The following ARLN variants were observed in gnomAD, a reference collection of about 807,000 sequenced individuals.
The protein encoded by ARLN is sarcoplasmic/endoplasmic reticulum calcium ATPase regulator ARLN.
the ARLN span, chr4:119,300,243 A>C: frequency 9.6e-7 from 1 of 1,037,746 alleles, no homozygotes; most frequent in African/African-American, 1.6e-5. Flanking sequence ...GGACATATAT[A>C]AACTCTCTGG....
the ARLN span, chr4:119,300,689 C>T: frequency 6.5e-7 from 1 of 1,534,686 alleles, no homozygotes; most frequent in Non-Finnish European, 8.7e-7. Context: ...CTACTCTTCC[C>T]AGCGCGCAGG....
the ARLN span, chr4:119,300,516 C>G: frequency 1.9e-6 from 3 of 1,614,180 alleles, no homozygotes; most frequent in South Asian, 2.2e-5. Flanking sequence ...ACCATCAACA[C>G]CCGGTGCGTC....
the ARLN span, among the ~76,000 whole-genome samples, chr4:119,301,730 TA>T: frequency 1.3e-5 from 2 of 152,152 alleles, no homozygotes; most frequent in East Asian, 3.9e-4. Context: ...TACTCCATCT[TA>T]TAGAATTAGG....
the ARLN span, chr4:119,300,589 G>T: frequency 6.2e-7 from 1 of 1,613,102 alleles, no homozygotes; most frequent in Non-Finnish European, 8.5e-7. Flanking sequence ...TTAAGTTCCC[G>T]GACTTTGGTG....
At chr4:119,300,519 G>C in the ARLN span, 2 of 1,614,016 alleles carry the variant, frequency 1.2e-6, no homozygotes, top group Non-Finnish European at 1.7e-6. Context: ...ATCAACACCC[G>C]GTGCGTCCAC....
chr4:119,299,573 C>G, the ARLN span, among the ~76,000 whole-genome samples: 1 of 152,166 alleles, frequency 6.6e-6, no homozygotes, highest in East Asian at 1.9e-4. Context: ...TTCCTCCTGC[C>G]CTATTCTCTT....
chr4:119,298,983 A>T, the ARLN span, among the ~76,000 whole-genome samples: 1 of 152,172 alleles, frequency 6.6e-6, no homozygotes, highest in Non-Finnish European at 1.5e-5. Flanking sequence ...GTCTCTACCA[A>T]AACAGGGAGG....
chr4:119,302,343 ATTTAAAC>A, the ARLN span, among the ~76,000 whole-genome samples: 1 of 152,230 alleles, frequency 6.6e-6, no homozygotes, highest in Non-Finnish European at 1.5e-5. Flanking sequence ...AGGAGGGGTT[ATTTAAAC>A]TAAATTCAGT....
chr4:119,298,520 G>A, the ARLN span: 2 of 398,606 alleles, frequency 5.0e-6, no homozygotes, highest in Non-Finnish European at 9.0e-6. Flanking sequence ...TTCAGCCCCT[G>A]TAAAGCCATC....
the ARLN span, chr4:119,300,888 C>G: frequency 7.9e-7 from 1 of 1,271,338 alleles, no homozygotes; most frequent in African/African-American, 1.5e-5. Flanking sequence ...AGGTGATGGA[C>G]TCCTCCCTGA....
the ARLN span, among the ~76,000 whole-genome samples, chr4:119,301,292 C>A: frequency 3.4e-5 from 5 of 148,414 alleles, no homozygotes; most frequent in Non-Finnish European, 7.4e-5. Flanking sequence ...GGCGTGGTGG[C>A]AGGCGCCTGT....
At chr4:119,299,652 T>C in the ARLN span, among the ~76,000 whole-genome samples, 1 of 152,146 alleles carries the variant, frequency 6.6e-6, no homozygotes, top group Non-Finnish European at 1.5e-5. Context: ...ATGGAGAGCA[T>C]GGGTTTTACA....
chr4:119,297,912 G>C, the ARLN span: 1 of 152,548 alleles, frequency 6.6e-6, no homozygotes, highest in Non-Finnish European at 1.5e-5. Context: ...CTCCATGAAG[G>C]CAAGAATGCC....
At chr4:119,300,461 C>T in the ARLN span, 2 of 1,614,148 alleles carry the variant, frequency 1.2e-6, no homozygotes, top group Non-Finnish European at 1.7e-6. Context: ...CGAAGTTCTG[C>T]CTCCCTCCCT....
At chr4:119,296,951 T>C in the ARLN span, 18 of 152,336 alleles carry the variant, frequency 1.2e-4, no homozygotes, top group African/African-American at 4.1e-4. Flanking sequence ...TGGATTATGA[T>C]CGGAAGTCTG....
the ARLN span, chr4:119,297,457 TTC>T: frequency 6.6e-6 from 1 of 152,220 alleles, no homozygotes; most frequent in Non-Finnish European, 1.5e-5. Flanking sequence ...CAGGAATATT[TTC>T]TTTTTGAGAC....
the ARLN span, chr4:119,300,405 T>A: frequency 6.2e-7 from 1 of 1,613,630 alleles, no homozygotes; most frequent in Non-Finnish European, 8.5e-7. Context: ...GTCCAACCAG[T>A]AGGAGTGTTT....
At chr4:119,300,596 G>C in the ARLN span, 1 of 1,611,428 alleles carries the variant, frequency 6.2e-7, no homozygotes, top group Non-Finnish European at 8.5e-7. Flanking sequence ...CCCGGACTTT[G>C]GTGTTCGCCG....
the ARLN span, chr4:119,300,714 T>C: frequency 6.6e-7 from 1 of 1,526,638 alleles, no homozygotes; most frequent in South Asian, 1.2e-5. Flanking sequence ...TGGCTCGGCT[T>C]TCCGCTGCCT....
Sources: allele counts gnomAD v4.1 joint callset (sites outside exome capture counted in the v4.1 genomes callset), GRCh38; gene constraint gnomAD v4.1.1; transcripts MANE v1.5; gene names NCBI Gene and HGNC (gene_info 2026-07-23, HGNC 2026-07-21).